The following ENTPD7 variants were observed in gnomAD, a reference collection of about 807,000 sequenced individuals.
ENTPD7 encodes ectonucleoside triphosphate diphosphohydrolase 7, also known as NTPDase 7.
Under a neutral mutation model 77.9 loss-of-function variants are expected in ENTPD7, and 53 were observed. The ratio of observed to expected loss-of-function variants is 0.68; its 90% CI spans 0.55 to 0.85. ENTPD7 has a LOEUF of 0.85. Ranked by LOEUF, ENTPD7 falls within the 40% of genes least tolerant of loss-of-function variation. ENTPD7 has a pLI of 0.00. For missense variants in ENTPD7, 636 were observed against 743.7 expected, an observed-to-expected ratio of 0.86 and a Z score of 1.68; for synonymous variants, 248 against 274.9, an observed-to-expected ratio of 0.90 and a Z score of 0.97.
chr10:99,664,266 A>T (rs960652824), intron 3 of ENTPD7, among the ~76,000 whole-genome samples: 1 of 151,894 alleles, frequency 6.6e-6, no homozygotes, highest in East Asian at 1.9e-4. Context: ...TTATTAAAAA[A>T]TTTTTTTCTT....
In ENTPD7 at chr10:99,708,384, C is replaced by T. The variant is rs1260051425; in HGVS notation, c.*3701C>T. On this transcript the variant is annotated 3_prime_UTR_variant, in exon 13 of 13. Transcript: ENST00000370489. The stretch of plus-strand genomic sequence containing the variant: ...TTTGTTTTTTGTCAGGGATGAAAGA[C>T]AAGTGAGTGGTATCACTTAAGGGAA... 1.3e-5 allele frequency among the ~76,000 whole-genome samples: 2 copies of T among 152,186 alleles called. No individual in the cohort carries two copies. The highest frequency in any genetic ancestry group is 4.8e-5 in the African/African-American group (2 of 41,454).
At chr10:99,700,950 C>T (rs1396170316) in intron 10 of ENTPD7, 23 bp from the exon 11 acceptor site, 3 of 1,604,732 alleles carry the variant, frequency 1.9e-6, no homozygotes, top group East Asian at 2.2e-5. Context: ...TCATGTTGCA[C>T]TATTTCTCTG....
intron 3 of ENTPD7, 52 bp downstream of exon 3, chr10:99,661,680 G>A (rs2035489631): frequency 6.7e-7 from 1 of 1,482,440 alleles, no homozygotes; most frequent in Non-Finnish European, 9.1e-7. Context: ...TTCATAAGCT[G>A]TTTAACACAC....
At chr10:99,701,146 T>C in intron 11 of ENTPD7, 88 bp downstream of exon 11, 1 of 1,173,056 alleles carries the variant, frequency 8.5e-7, no homozygotes, top group Non-Finnish European at 1.3e-6. Flanking sequence ...GCAGATTAGA[T>C]TTCATGTTGA....
In ENTPD7 at chr10:99,709,618, C is replaced by T; in HGVS notation, c.*4935C>T. On this transcript the variant is annotated 3_prime_UTR_variant, in exon 13 of 13. Coordinates refer to ENST00000370489, the MANE Select transcript of ENTPD7 (RefSeq NM_020354.5). ...AAACTTTTAGGTTGTGTTCTTGGCT[C>T]ATTCTCTCATAACCTGGATCTAAGT... 6.1e-6 allele frequency: 6 copies of T among 985,354 alleles called. No individual in the cohort carries two copies. The highest frequency in any genetic ancestry group is 7.2e-6 in the Non-Finnish European group (6 of 829,910). The allele number at this position is 985,354 out of a possible 1,614,324, so 61.0% of individuals were successfully genotyped here.
At chr10:99,701,127 A>G (rs1564636660) in intron 11 of ENTPD7, 69 bp downstream of exon 11, 2 of 1,278,036 alleles carry the variant, frequency 1.6e-6, no homozygotes, top group Non-Finnish European at 2.3e-6. Context: ...ATGGAGAGTG[A>G]GCAATAATGC....
chr10:99,661,343 G>A (rs2035483810), intron 2 of ENTPD7, 103 bp from the exon 3 acceptor site: 1 of 958,970 alleles, frequency 1.0e-6, no homozygotes, highest in East Asian at 2.6e-5. Context: ...CTGTTGGCAT[G>A]GATTTTTGCC....
rs1467907658 is a variant in ENTPD7, at chr10:99,694,361, G to A, written c.844-1595G>A. 2.0e-5 allele frequency among the ~76,000 whole-genome samples: 3 copies of A among 152,074 alleles called. No homozygotes were observed. The East Asian group carries it at 5.8e-4, about 29-fold the overall frequency. On this transcript the variant is annotated intron_variant, in intron 8 of 12. Transcript: ENST00000370489. ...AAGGTTCAGCCATCTCGTGGTATGG[G>A]TATTTCATTCCTTTTTAATGGCTAA...
Position 99,679,431 on chromosome 10 carries a change from G to T in ENTPD7, c.362G>T (p.Arg121Leu), listed in dbSNP as rs368620286. ...CTGGACATCAAACAGATGAGAGACCGCAACAGCCAACCAGTGGTTAAAAAA... is the reference window on the plus strand; with the variant it reads ...CTGGACATCAAACAGATGAGAGACCTCAACAGCCAACCAGTGGTTAAAAAA... ...DLLDIKQMRD[R>L]NSQPVVKKIK... is the part of the protein sequence containing the mutation. Residue 121 changes from arginine to leucine, a missense_variant, in exon 4 of 13, where the codon CGC becomes CTC. Arg to Leu is a moderately radical substitution (Grantham distance 102, BLOSUM62 -2). This residue lies in a region of ENTPD7 where 486 missense variants were observed against 556.5 expected (regional missense o/e 0.87). Coordinates refer to ENST00000370489, the MANE Select transcript of ENTPD7 (RefSeq NM_020354.5). The T allele has an allele frequency of 2.5e-6, 4 of 1,613,668 alleles. No individual in the cohort carries two copies. Among genetic ancestry groups the T allele is most frequent in the Admixed American group, 3.3e-5 (2 of 59,894 alleles).
At chr10:99,671,534 T>G (rs976202091) in intron 3 of ENTPD7, among the ~76,000 whole-genome samples, 1 of 152,226 alleles carries the variant, frequency 6.6e-6, no homozygotes, top group Non-Finnish European at 1.5e-5. Context: ...TCAGTTCCAT[T>G]ATAATCTTAT....
chr10:99,698,622 A>AAC lies in ENTPD7; in HGVS notation c.1101_1102dup (p.Ser368ThrfsTer20). ...GGGACTCACAGATGTGGTGGAGAGG[A>AAC]ACAGCCAAGTCTTACATGTCCGAGG... On this transcript the variant is annotated frameshift_variant, in exon 10 of 13. Transcript: ENST00000370489. LOFTEE classifies it high-confidence loss of function. 1 of 1,614,162 alleles carries AAC rather than the reference A, an allele frequency of 6.2e-7. No individual in the cohort carries two copies. The highest frequency in any genetic ancestry group is 8.5e-7 in the Non-Finnish European group (1 of 1,180,026).
At chr10:99,682,037 T>C (rs1321748390) in intron 5 of ENTPD7, among the ~76,000 whole-genome samples, 5 of 152,188 alleles carry the variant, frequency 3.3e-5, no homozygotes, top group Non-Finnish European at 7.4e-5. Context: ...TAGTTTGATA[T>C]AGTCTTACTT....
At chr10:99,664,450 CTTT>C (rs1209558702) in intron 3 of ENTPD7, among the ~76,000 whole-genome samples, 8 of 131,282 alleles carry the variant, frequency 6.1e-5, no homozygotes, top group Non-Finnish European at 5.0e-5. Flanking sequence ...TTTACATTTT[CTTT>C]TTTTTTTTTT....
Position 99,695,988 on chromosome 10 carries a change from C to T in ENTPD7, c.876C>T (p.Phe292=), listed in dbSNP as rs765096479. Residue 292 remains phenylalanine, a synonymous_variant, in exon 9 of 13, where the codon TTC becomes TTT. Coordinates refer to ENST00000370489, the MANE Select transcript of ENTPD7 (RefSeq NM_020354.5). ...CTGCCAAGATCCTGCTGGCTGAGTT[C>T]AACCTGGGCTGTGATGTGCAACACA... ...EEAAKILLAE[F]NLGCDVQHTE... The T allele has an allele frequency of 3.5e-5, 57 of 1,613,816 alleles. No homozygotes were observed. The highest frequency in any genetic ancestry group is 4.2e-5 in the Non-Finnish European group (49 of 1,179,862).
intron 12 of ENTPD7, 111 bp from the exon 13 acceptor site, chr10:99,704,341 T>G: frequency 9.4e-7 from 1 of 1,060,820 alleles, no homozygotes; most frequent in Non-Finnish European, 1.4e-6. Context: ...CATAAAATGT[T>G]TATGTGGATG....
chr10:99,686,569 C>A (rs1274241536), intron 6 of ENTPD7, among the ~76,000 whole-genome samples: 2 of 151,932 alleles, frequency 1.3e-5, no homozygotes, highest in African/African-American at 4.8e-5. Context: ...CTATTTTGAT[C>A]TTCTTAATAT....
chr10:99,679,599 C>CCCCT (rs1355371033), intron 4 of ENTPD7, 126 bp from the exon 5 acceptor site: 2 of 1,424,624 alleles, frequency 1.4e-6, no homozygotes, highest in Non-Finnish European at 1.9e-6. Flanking sequence ...TCATTGTCAC[C>CCCCT]CCCTACCTCT....
chr10:99,709,262 G>A lies in ENTPD7; in HGVS notation c.*4579G>A, dbSNP rs886046595. 4.1e-6 allele frequency: 4 copies of A among 985,092 alleles called. No homozygotes were observed. Among genetic ancestry groups the A allele is most frequent in the Non-Finnish European group, 4.8e-6 (4 of 829,804 alleles). 61.0% of individuals were successfully genotyped at this position (985,092 alleles called of 1,614,324 possible). A position where few individuals can be genotyped will look rare whatever the true frequency, so the allele number is the denominator to read the frequency against. On this transcript the variant is annotated 3_prime_UTR_variant, in exon 13 of 13. Transcript: ENST00000370489. ...CAGAAACAGAGGGCTGTTTCTTTTTGTTGTCTTTAAACTTTTCAAATTAAT... is the reference window on the plus strand; with the variant it reads ...CAGAAACAGAGGGCTGTTTCTTTTTATTGTCTTTAAACTTTTCAAATTAAT...
chr10:99,689,257 T>C (rs2035851139), intron 7 of ENTPD7, among the ~76,000 whole-genome samples: 1 of 152,200 alleles, frequency 6.6e-6, no homozygotes, highest in Admixed American at 6.5e-5. Flanking sequence ...TTTTCCTGAT[T>C]TTCTCAAGAA....
Sources: gnomAD v4.1 joint callset for allele counts (sites outside exome capture counted in the v4.1 genomes callset) on GRCh38, gnomAD v4.1.1 for gene constraint, gnomAD v4.1.1 regional missense constraint, MANE v1.5 for transcripts, NCBI Gene and HGNC (gene_info 2026-07-23, HGNC 2026-07-21) for gene names.